HDAC9: variants seen among roughly 807,000 people sequenced by gnomAD.
HDAC9 encodes the protein histone deacetylase 9, also known as MEF-2 interacting transcription repressor (MITR) protein.
In HDAC9, 41 loss-of-function variants were observed where a neutral mutation model predicts 139.4. The ratio of observed to expected loss-of-function variants is 0.29; its 90% confidence interval spans 0.23 to 0.38. The LOEUF is 0.38. Ranked by LOEUF, HDAC9 falls within the 10% of genes least tolerant of loss-of-function variation. The probability of loss-of-function intolerance (pLI) is 1.00; values close to 1 mark genes in which losing one functional copy is unlikely to be tolerated. For missense variants in HDAC9, 1,147 were observed against 1,297.0 expected (o/e 0.88, Z 1.78); for synonymous variants, 517 against 476.2 (o/e 1.09, Z -1.12).
At chr7:18,964,387 A>G (rs1299488318) in intron 24 of HDAC9, among the ~76,000 whole-genome samples, 1 of 152,176 alleles carries the variant, frequency 6.6e-6, no homozygotes, top group Non-Finnish European at 1.5e-5. Context: ...CATAGAATGC[A>G]GTACGTTCAT....
intron 17 of HDAC9, among the ~76,000 whole-genome samples, chr7:18,813,436 A>G (rs1794335793): frequency 7.4e-6 from 1 of 135,532 alleles, no homozygotes; most frequent in Non-Finnish European, 1.7e-5. Flanking sequence ...ACAGATTCAT[A>G]TTTGAGAGGG....
intron 12 of HDAC9, among the ~76,000 whole-genome samples, chr7:18,692,404 A>G (rs1782735234): frequency 6.6e-6 from 1 of 152,138 alleles, no homozygotes; most frequent in South Asian, 2.1e-4. Context: ...GACATTTTTA[A>G]AATGTTACTT....
chr7:18,538,331 G>T (rs543377687), intron 2 of HDAC9, among the ~76,000 whole-genome samples: 1 of 152,276 alleles, frequency 6.6e-6, no homozygotes, highest in East Asian at 1.9e-4. Context: ...AAACATACTA[G>T]TTAAGTATGG....
chr7:18,199,676 G>A (rs550058834), intron 2 of HDAC9, among the ~76,000 whole-genome samples: 5 of 151,236 alleles, frequency 3.3e-5, no homozygotes, highest in South Asian at 4.2e-4. Flanking sequence ...CAACACTCTG[G>A]GAGGCTGAGG....
At chr7:18,280,060 A>G (rs1276596685) in intron 2 of HDAC9, among the ~76,000 whole-genome samples, 1 of 152,218 alleles carries the variant, frequency 6.6e-6, no homozygotes, top group African/African-American at 2.4e-5. Flanking sequence ...GCAAATATTT[A>G]AGGACCTACG....
At chr7:18,786,321 CTT>C (rs1791711351) in intron 16 of HDAC9, among the ~76,000 whole-genome samples, 1 of 152,124 alleles carries the variant, frequency 6.6e-6, no homozygotes, top group South Asian at 2.1e-4. Flanking sequence ...GGCCCTAACT[CTT>C]TATCCTCTTG....
At chr7:18,307,120 TG>T (rs1439664583) in intron 1 of HDAC9, among the ~76,000 whole-genome samples, 17 of 151,570 alleles carry the variant, frequency 1.1e-4, no homozygotes, top group African/African-American at 4.1e-4. Flanking sequence ...TGTGTGTGTG[TG>T]TGTGTGTGTG....
intron 1 of HDAC9, among the ~76,000 whole-genome samples, chr7:18,305,305 G>A (rs954220528): frequency 6.6e-5 from 10 of 152,044 alleles, no homozygotes; most frequent in African/African-American, 2.2e-4. Flanking sequence ...ATCCTAGGCC[G>A]GTGCCTGACA....
At chr7:18,387,169 T>C (rs933308800) in intron 1 of HDAC9, among the ~76,000 whole-genome samples, 2 of 152,228 alleles carry the variant, frequency 1.3e-5, no homozygotes, top group African/African-American at 4.8e-5. Flanking sequence ...CCCATTTTTA[T>C]AAGTTGAATC....
At chr7:18,780,923 A>G (rs1036992061) in intron 16 of HDAC9, among the ~76,000 whole-genome samples, 8 of 152,056 alleles carry the variant, frequency 5.3e-5, no homozygotes, top group African/African-American at 1.9e-4. Flanking sequence ...TTGGCTAGCT[A>G]GGGCTGTCAT....
chr7:18,163,692 C>T (rs1266226713), intron 2 of HDAC9, among the ~76,000 whole-genome samples: 9 of 152,032 alleles, frequency 5.9e-5, no homozygotes. Flanking sequence ...TAGTCTAGTA[C>T]TATTATTCTT....
chr7:18,930,573 A>G (rs1272511627), intron 22 of HDAC9, among the ~76,000 whole-genome samples: 1 of 152,166 alleles, frequency 6.6e-6, no homozygotes, highest in Non-Finnish European at 1.5e-5. Flanking sequence ...AATGTTTCTA[A>G]TATGTACAGT....
At chr7:18,769,887 T>C (rs924110505) in intron 16 of HDAC9, among the ~76,000 whole-genome samples, 1 of 152,190 alleles carries the variant, frequency 6.6e-6, no homozygotes, top group Non-Finnish European at 1.5e-5. Context: ...GGCATGGTTC[T>C]GTCTCAAATT....
At chr7:18,536,068 A>T (rs1156533919) in intron 2 of HDAC9, among the ~76,000 whole-genome samples, 1 of 152,194 alleles carries the variant, frequency 6.6e-6, no homozygotes, top group East Asian at 1.9e-4. Context: ...TTTGTAGTTC[A>T]AGCCTACACT....
At position 18,996,073 on chromosome 7, in the gene HDAC9, C is replaced by G; in HGVS notation, c.*11C>G. The G allele has an allele frequency of 6.3e-7, 1 of 1,597,404 alleles. No individual in the cohort carries two copies. Among genetic ancestry groups the G allele is most frequent in the South Asian group, 1.1e-5 (1 of 88,640 alleles). On this transcript the variant is annotated 3_prime_UTR_variant, in exon 26 of 26. Transcript: ENST00000686413. ...GAGCCAGCCTTGTGAAGTGCCAAGT[C>G]CCCCTCTGATATTTCCTGTGTGTGA...
At chr7:18,382,133 A>G (rs947458274) in intron 1 of HDAC9, among the ~76,000 whole-genome samples, 1 of 152,214 alleles carries the variant, frequency 6.6e-6, no homozygotes, top group Non-Finnish European at 1.5e-5. Flanking sequence ...TTTTTCCTTT[A>G]GGAAATATCC....
At chr7:18,809,626 A>G (rs1177198834) in intron 17 of HDAC9, among the ~76,000 whole-genome samples, 2 of 151,930 alleles carry the variant, frequency 1.3e-5, no homozygotes, top group African/African-American at 4.8e-5. Context: ...ATGAAAAGAT[A>G]CTCAACATCG....
chr7:18,165,606 G>A (rs1037197071), intron 2 of HDAC9, among the ~76,000 whole-genome samples: 3 of 152,016 alleles, frequency 2.0e-5, no homozygotes, highest in South Asian at 2.1e-4. Context: ...GGGCAATATG[G>A]TGAGATCCTA....
intron 20 of HDAC9, 151 bp from the exon 21 acceptor site, chr7:18,835,749 C>A: frequency 1.9e-6 from 2 of 1,060,814 alleles, no homozygotes; most frequent in South Asian, 1.4e-5. Flanking sequence ...AGTGCATAAC[C>A]CAGAGCACTG....
Sources: allele counts gnomAD v4.1 joint callset (sites outside exome capture counted in the v4.1 genomes callset), GRCh38; gene constraint gnomAD v4.1.1; transcripts MANE v1.5; gene names NCBI Gene and HGNC (gene_info 2026-07-23, HGNC 2026-07-21).